Variants in PCSK5 observed in about 807,000 individuals in gnomAD.
PCSK5 encodes the protein proprotein convertase subtilisin/kexin type 5.
Under a neutral mutation model 233.2 loss-of-function variants are expected in PCSK5, and 129 were observed. That is an observed-to-expected ratio of 0.55 (90% CI 0.48 to 0.64). The LOEUF is 0.64. Ranked by LOEUF, PCSK5 falls within the 30% of genes least tolerant of loss-of-function variation. The pLI is 0.00. For missense variants in PCSK5, 2,076 were observed against 2,430.1 expected, an observed-to-expected ratio of 0.85 and a Z score of 3.06; for synonymous variants, 825 against 879.2, an observed-to-expected ratio of 0.94 and a Z score of 1.09.
intron 20 of PCSK5, among the ~76,000 whole-genome samples, chr9:76,226,056 A>G (rs897675381): frequency 6.6e-6 from 1 of 152,152 alleles, no homozygotes; most frequent in Admixed American, 6.5e-5. Flanking sequence ...TCCCATTCCC[A>G]TTCTAAAAAT....
At chr9:76,027,212 A>C (rs1340378650) in intron 5 of PCSK5, among the ~76,000 whole-genome samples, 175 bp downstream of exon 5, 6 of 152,160 alleles carry the variant, frequency 3.9e-5, no homozygotes, top group Non-Finnish European at 5.9e-5. Context: ...GGGGTGGTCC[A>C]TATAGAAAGA....
chr9:76,193,192 C>G, intron 20 of PCSK5: 3 of 1,581,458 alleles, frequency 1.9e-6, no homozygotes, highest in Non-Finnish European at 2.6e-6. Flanking sequence ...CATCATGCTG[C>G]TCTCGTCTTC....
At chr9:76,258,919 C>A (rs565332561) in intron 24 of PCSK5, among the ~76,000 whole-genome samples, 2 of 152,286 alleles carry the variant, frequency 1.3e-5, no homozygotes, top group South Asian at 4.1e-4. Context: ...ATGACAGTTA[C>A]CCAAAGCCAT....
chr9:76,297,206 G>A (rs924298952), intron 27 of PCSK5, among the ~76,000 whole-genome samples: 3 of 152,096 alleles, frequency 2.0e-5, no homozygotes, highest in Admixed American at 2.0e-4. Context: ...CAGAAATTTC[G>A]GAGTCACTTC....
intron 35 of PCSK5, among the ~76,000 whole-genome samples, chr9:76,349,695 C>T (rs1830069497): frequency 6.6e-6 from 1 of 152,220 alleles, no homozygotes; most frequent in Non-Finnish European, 1.5e-5. Context: ...CAAGTTCCAA[C>T]TTACAATACC....
At chr9:76,338,112 A>G in intron 34 of PCSK5, 118 bp from the exon 35 acceptor site, 1 of 670,338 alleles carries the variant, frequency 1.5e-6, no homozygotes, top group Non-Finnish European at 2.6e-6. Context: ...CTAATGAGTA[A>G]GGTAAAGAGG....
intron 3 of PCSK5, among the ~76,000 whole-genome samples, chr9:76,000,748 C>T (rs1827225823): frequency 6.6e-6 from 1 of 152,166 alleles, no homozygotes; most frequent in Non-Finnish European, 1.5e-5. Context: ...CCTGTTCATG[C>T]TTAAACTGCC....
chr9:76,119,276 C>T (rs529714001), intron 9 of PCSK5, among the ~76,000 whole-genome samples: 1 of 152,060 alleles, frequency 6.6e-6, no homozygotes, highest in East Asian at 1.9e-4. Context: ...ATAGTTACAG[C>T]AAATGTTTTT....
At chr9:76,096,912 T>TCC (rs1831539052) in intron 8 of PCSK5, among the ~76,000 whole-genome samples, 1 of 151,540 alleles carries the variant, frequency 6.6e-6, no homozygotes, top group African/African-American at 2.4e-5. Context: ...AAAAGGTGCA[T>TCC]TTCTTTATTT....
chr9:75,950,221 T>G (rs892175205), intron 2 of PCSK5, among the ~76,000 whole-genome samples: 7 of 151,846 alleles, frequency 4.6e-5, no homozygotes, highest in African/African-American at 7.3e-5. Context: ...TTATTTGTTT[T>G]TTTTTTTTGA....
At chr9:76,123,257 A>G (rs1832718088) in intron 9 of PCSK5, among the ~76,000 whole-genome samples, 1 of 152,116 alleles carries the variant, frequency 6.6e-6, no homozygotes, top group South Asian at 2.1e-4. Context: ...TTGTCCTTTT[A>G]AGTGTTTTTG....
intron 9 of PCSK5, among the ~76,000 whole-genome samples, chr9:76,126,084 CA>C (rs1832838560): frequency 1.3e-5 from 2 of 152,110 alleles, no homozygotes; most frequent in Non-Finnish European, 2.9e-5. Flanking sequence ...TTATTTTCCT[CA>C]TAGTCACATT....
chr9:76,186,089 A>G (rs1263627195), intron 17 of PCSK5, among the ~76,000 whole-genome samples: 3 of 152,212 alleles, frequency 2.0e-5, no homozygotes, highest in African/African-American at 7.2e-5. Context: ...AAATGAGTTT[A>G]ATAAAATATT....
Position 76,098,133 on chromosome 9 carries a change from G to A in PCSK5, c.1107+2031G>A, listed in dbSNP as rs114673813. On this transcript the variant is annotated intron_variant, in intron 8 of 37. Coordinates refer to ENST00000674117, the MANE Select transcript of PCSK5 (RefSeq NM_001372043.1). ...ATATGATTTTTCTGTTTCATTTATCGGCTACTTTTTACTACCTTCTTTAGT... is the reference window on the plus strand; with the variant it reads ...ATATGATTTTTCTGTTTCATTTATCAGCTACTTTTTACTACCTTCTTTAGT... Among the ~76,000 whole-genome samples, 1,501 of 152,034 alleles carry A rather than the reference G, an allele frequency of 9.9e-3. 19 individuals carry two copies. The highest frequency in any genetic ancestry group is 0.034 in the African/African-American group (1,424 of 41,456).
chr9:75,969,941 T>G (rs1323291975), intron 2 of PCSK5, among the ~76,000 whole-genome samples: 1 of 151,648 alleles, frequency 6.6e-6, no homozygotes, highest in African/African-American at 2.4e-5. Flanking sequence ...TGGTGTGATC[T>G]TGGCTTACTT....
chr9:76,032,065 C>T (rs928822838), intron 5 of PCSK5, among the ~76,000 whole-genome samples: 1 of 152,166 alleles, frequency 6.6e-6, no homozygotes, highest in African/African-American at 2.4e-5. Flanking sequence ...TTCTTTAATT[C>T]CATTTTCCCA....
intron 10 of PCSK5, among the ~76,000 whole-genome samples, chr9:76,141,629 C>G (rs1469708841): frequency 1.3e-5 from 2 of 152,130 alleles, no homozygotes; most frequent in Admixed American, 1.3e-4. Context: ...CTTTTTCATC[C>G]TCTAGCCTCC....
chr9:76,147,357 T>G (rs543601444), intron 10 of PCSK5, among the ~76,000 whole-genome samples: 4 of 152,296 alleles, frequency 2.6e-5, no homozygotes, highest in Non-Finnish European at 4.4e-5. Flanking sequence ...CTCTCATTTC[T>G]TTTGCTCCTG....
intron 24 of PCSK5, among the ~76,000 whole-genome samples, chr9:76,259,796 G>A (rs1469752617): frequency 6.6e-6 from 1 of 152,090 alleles, no homozygotes; most frequent in South Asian, 2.1e-4. Flanking sequence ...CCCTTGTGGA[G>A]CATGGAAGAG....
Sources: allele counts gnomAD v4.1 joint callset (sites outside exome capture counted in the v4.1 genomes callset), GRCh38; gene constraint gnomAD v4.1.1; transcripts MANE v1.5; gene names NCBI Gene and HGNC (gene_info 2026-07-23, HGNC 2026-07-21).